MYO1B: variants seen among roughly 807,000 people sequenced by gnomAD.
The protein encoded by MYO1B is myosin IB.
In MYO1B, 72 loss-of-function variants were observed where a neutral mutation model predicts 159.7. The ratio of observed to expected loss-of-function variants is 0.45; its 90% CI spans 0.37 to 0.55. The LOEUF (loss-of-function observed/expected upper bound fraction) is 0.55, where lower values mean the gene tolerates loss of function less well. Among genes scored for constraint, MYO1B ranks in the 20% least tolerant of loss-of-function variants. MYO1B has a pLI of 0.00. For missense variants in MYO1B, 1,062 were observed against 1,364.8 expected (o/e 0.78, Z 3.50); for synonymous variants, 468 against 473.8 (o/e 0.99, Z 0.16).
intron 2 of MYO1B, 75 bp from the exon 3 acceptor site, chr2:191,296,036 C>T: frequency 1.3e-6 from 1 of 760,108 alleles, no homozygotes. Flanking sequence ...TGAAACCATA[C>T]AACACTAAAG....
intron 1 of MYO1B, among the ~76,000 whole-genome samples, chr2:191,259,132 T>C (rs1686643634): frequency 6.6e-6 from 1 of 152,222 alleles, no homozygotes; most frequent in South Asian, 2.1e-4. Flanking sequence ...ACTAGAACAG[T>C]TAATAACCCC....
At chr2:191,413,951 T>A in intron 27 of MYO1B, 97 bp from the exon 28 acceptor site, 1 of 1,207,496 alleles carries the variant, frequency 8.3e-7, no homozygotes, top group Non-Finnish European at 1.1e-6. Context: ...TTTATGAAGT[T>A]GTCAGCTACT....
chr2:191,419,970 G>C (rs1307991906), intron 30 of MYO1B, among the ~76,000 whole-genome samples: 1 of 152,158 alleles, frequency 6.6e-6, no homozygotes, highest in African/African-American at 2.4e-5. Flanking sequence ...GGAGGCCAAG[G>C]CTGGTGGATT....
intron 3 of MYO1B, among the ~76,000 whole-genome samples, chr2:191,306,061 A>C (rs1341310946): frequency 6.6e-6 from 1 of 152,202 alleles, no homozygotes; most frequent in Admixed American, 6.5e-5. Context: ...GAGAGAGACA[A>C]AACACAAGAG....
intron 1 of MYO1B, among the ~76,000 whole-genome samples, chr2:191,257,835 G>A (rs1251345127): frequency 6.6e-6 from 1 of 152,186 alleles, no homozygotes; most frequent in Non-Finnish European, 1.5e-5. Flanking sequence ...ACGGAAGTAA[G>A]GTGATGCCTT....
intron 4 of MYO1B, among the ~76,000 whole-genome samples, chr2:191,336,515 C>G (rs1691855169): frequency 6.6e-6 from 1 of 152,174 alleles, no homozygotes; most frequent in African/African-American, 2.4e-5. Flanking sequence ...TTTTGTGGCC[C>G]TCTTTCAGAA....
rs776883385 is a variant in MYO1B at position 191,256,544 on chromosome 2, G to A, written c.-10+10918G>A. Among the ~76,000 whole-genome samples, 13 of 152,180 alleles carry A rather than the reference G, an allele frequency of 8.5e-5. No individual in the cohort carries two copies. In the Middle Eastern group the frequency reaches 0.014, roughly 159 times the overall value. ...GTGCACATAATTTAGGATTTCATAC[G>A]AGGGACCCCTTTGGAAAATATGGGG... On this transcript the variant is annotated intron_variant, in intron 1 of 30. Coordinates refer to ENST00000392318, the MANE Select transcript of MYO1B (RefSeq NM_001130158.3).
intron 3 of MYO1B, among the ~76,000 whole-genome samples, chr2:191,315,380 G>T (rs1690285730): frequency 6.6e-6 from 1 of 152,172 alleles, no homozygotes; most frequent in Non-Finnish European, 1.5e-5. Context: ...AAAATAGTAA[G>T]CTGCACAGTA....
chr2:191,281,885 C>G (rs1289766791), intron 2 of MYO1B, among the ~76,000 whole-genome samples: 3 of 152,050 alleles, frequency 2.0e-5, no homozygotes, highest in Admixed American at 2.0e-4. Flanking sequence ...ATTTTTAGAT[C>G]TTATGTTAAA....
intron 6 of MYO1B, among the ~76,000 whole-genome samples, chr2:191,348,913 T>C (rs2125980385): frequency 6.6e-6 from 1 of 152,330 alleles, no homozygotes; most frequent in African/African-American, 2.4e-5. Flanking sequence ...TCCAGCCTTG[T>C]TTCCCACTCA....
intron 3 of MYO1B, among the ~76,000 whole-genome samples, chr2:191,319,274 T>C (rs1189653494): frequency 1.3e-5 from 2 of 151,916 alleles, no homozygotes; most frequent in Non-Finnish European, 2.9e-5. Flanking sequence ...AGGACAGGGG[T>C]AAGGGAGGGA....
At chr2:191,305,350 A>G (rs1357086089) in intron 3 of MYO1B, among the ~76,000 whole-genome samples, 1 of 152,218 alleles carries the variant, frequency 6.6e-6, no homozygotes, top group Non-Finnish European at 1.5e-5. Flanking sequence ...AGGGATAATG[A>G]AAGTGTTCAG....
At chr2:191,384,246 T>C (rs367764701) in intron 15 of MYO1B, among the ~76,000 whole-genome samples, 1 of 152,262 alleles carries the variant, frequency 6.6e-6, no homozygotes, top group African/African-American at 2.4e-5. Flanking sequence ...TACTAATACC[T>C]GACTTTGAAT....
chr2:191,378,468 C>G (rs1330312847), intron 13 of MYO1B, among the ~76,000 whole-genome samples: 1 of 151,932 alleles, frequency 6.6e-6, no homozygotes, highest in Non-Finnish European at 1.5e-5. Context: ...CACAAAGAAC[C>G]TTCTTAAGGG....
chr2:191,348,109 T>A (rs1692684734), intron 6 of MYO1B, among the ~76,000 whole-genome samples: 1 of 152,200 alleles, frequency 6.6e-6, no homozygotes, highest in African/African-American at 2.4e-5. Context: ...AACCCAGCTT[T>A]TGGCGAGTAA....
intron 4 of MYO1B, among the ~76,000 whole-genome samples, chr2:191,334,307 T>C (rs1691685668): frequency 6.6e-6 from 1 of 152,166 alleles, no homozygotes; most frequent in Non-Finnish European, 1.5e-5. Flanking sequence ...CAGAGAGTTC[T>C]TAACACTACT....
At chr2:191,418,422 A>G (rs1213371773) in intron 30 of MYO1B, among the ~76,000 whole-genome samples, 1 of 149,154 alleles carries the variant, frequency 6.7e-6, no homozygotes, top group African/African-American at 2.5e-5. Flanking sequence ...TGTAATCATT[A>G]TGGATAAGTG....
At chr2:191,343,527 T>C (rs1341006567) in intron 5 of MYO1B, among the ~76,000 whole-genome samples, 1 of 152,224 alleles carries the variant, frequency 6.6e-6, no homozygotes, top group Non-Finnish European at 1.5e-5. Flanking sequence ...CTTTCCTCCA[T>C]TGCAATATCT....
At chr2:191,332,040 G>A (rs1691515818) in intron 4 of MYO1B, among the ~76,000 whole-genome samples, 2 of 152,192 alleles carry the variant, frequency 1.3e-5, no homozygotes, top group South Asian at 4.1e-4. Flanking sequence ...TTGGCTCACT[G>A]CAACCTCCAC....
Sources: gnomAD v4.1 joint callset for allele counts (sites outside exome capture counted in the v4.1 genomes callset) on GRCh38, gnomAD v4.1.1 for gene constraint, MANE v1.5 for transcripts, NCBI Gene and HGNC (gene_info 2026-07-23, HGNC 2026-07-21) for gene names.